Variants in KIAA0319 observed in about 807,000 individuals in gnomAD.
The protein encoded by KIAA0319 is dyslexia-associated protein KIAA0319.
A neutral mutation model predicts 108.4 loss-of-function variants in KIAA0319; 83 were observed. That is an observed-to-expected ratio of 0.77 (90% confidence interval 0.64 to 0.92). The LOEUF (loss-of-function observed/expected upper bound fraction) is 0.92, where lower values mean the gene tolerates loss of function less well. Ranked by LOEUF, KIAA0319 falls within the 40% of genes least tolerant of loss-of-function variation. The pLI, the probability that KIAA0319 is intolerant of heterozygous loss-of-function variation, is 0.00. For synonymous variants in KIAA0319, 484 were observed against 510.4 expected, an observed-to-expected ratio of 0.95 and a Z score of 0.70; for missense variants, 1,195 against 1,322.4, an observed-to-expected ratio of 0.90 and a Z score of 1.49.
At chr6:24,551,933 G>A (rs1343809713) in intron 19 of KIAA0319, among the ~76,000 whole-genome samples, 1 of 151,916 alleles carries the variant, frequency 6.6e-6, no homozygotes, top group Non-Finnish European at 1.5e-5. Flanking sequence ...AAGGTGTCAT[G>A]AACTAGCAAT....
intron 14 of KIAA0319, among the ~76,000 whole-genome samples, chr6:24,565,675 C>G (rs1023462856): frequency 6.7e-6 from 1 of 148,422 alleles, no homozygotes; most frequent in African/African-American, 2.5e-5. Flanking sequence ...ATAGCTCGAA[C>G]TCGGGCAGCG....
At chr6:24,600,660 T>C (rs1461841301) in intron 2 of KIAA0319, 25 of 1,535,542 alleles carry the variant, frequency 1.6e-5, no homozygotes, top group Non-Finnish European at 2.1e-5. Flanking sequence ...TCTTCTTAAA[T>C]GATGCTCACC....
In KIAA0319 at chr6:24,566,612, C is replaced by T. The variant is rs1763929732; in HGVS notation, c.2277G>A (p.Gln759=). 1.2e-6 allele frequency: 2 copies of T among 1,611,066 alleles called. No individual in the cohort carries two copies. Among genetic ancestry groups the T allele is most frequent in the Non-Finnish European group, 1.7e-6 (2 of 1,178,938 alleles). The part of the protein sequence containing the change: ...IVSYLWIRDG[Q]SPAAGDVIDG... The stretch of plus-strand genomic sequence containing the variant: ...CAGTACTCACTCCAGCTGCTGGACT[C>T]TGGCCATCCCGGATCCACAGATAGG... Residue 759 remains glutamine, a synonymous_variant, in exon 14 of 21, where the codon CAG becomes CAA. Coordinates refer to ENST00000378214, the MANE Select transcript of KIAA0319 (RefSeq NM_014809.4).
chr6:24,590,780 C>T (rs569785558), intron 3 of KIAA0319, among the ~76,000 whole-genome samples: 4 of 152,350 alleles, frequency 2.6e-5, no homozygotes, highest in Non-Finnish European at 4.4e-5. Context: ...CATGCTGCCT[C>T]TCCAGGCTGG....
chr6:24,600,696 C>T, intron 2 of KIAA0319: 1 of 1,524,384 alleles, frequency 6.6e-7, no homozygotes, highest in Non-Finnish European at 8.8e-7. Context: ...ATGAGTGCAT[C>T]CACCATAAGC....
intron 10 of KIAA0319, among the ~76,000 whole-genome samples, chr6:24,574,924 T>G (rs1187159765): frequency 6.6e-6 from 1 of 152,246 alleles, no homozygotes; most frequent in African/African-American, 2.4e-5. Context: ...AGAATGCTTC[T>G]GCACACAATG....
At chr6:24,640,593 A>G (rs749209255) in intron 1 of KIAA0319, among the ~76,000 whole-genome samples, 51 of 152,326 alleles carry the variant, frequency 3.3e-4, no homozygotes, top group Non-Finnish European at 6.5e-4. Context: ...GGGCATATCG[A>G]AGATATTTTT....
At position 24,632,203 on chromosome 6, in the gene KIAA0319, A is replaced by G. The variant is rs189932370; in HGVS notation, c.-106+13533T>C. ...ATAATCAGGAAATAAGTGGTTTATAATATTCATCATCGCCATTATCAAAAT... is the reference window on the plus strand; with the variant it reads ...ATAATCAGGAAATAAGTGGTTTATAGTATTCATCATCGCCATTATCAAAAT... On this transcript the variant is annotated intron_variant, in intron 1 of 20. Transcript: ENST00000378214. 4.6e-5 allele frequency among the ~76,000 whole-genome samples: 7 copies of G among 152,360 alleles called. No individual in the cohort carries two copies. The East Asian group carries it at 1.3e-3, about 29-fold the overall frequency.
rs1296282731 is a variant in KIAA0319 at position 24,569,920 on chromosome 6, G to T, written c.1974C>A (p.Tyr658Ter). 6.2e-7 allele frequency: 1 copy of T among 1,614,110 alleles called. No individual in the cohort carries two copies. The highest frequency in any genetic ancestry group is 1.1e-5 in the South Asian group (1 of 91,082). ...CAGACTACCTGACGTGCTCCCAGTG[G>T]TAGAAGACAATGCCGTGGTCATCGC... The part of the protein sequence containing the change: ...SSSDDHGIVF[Y>*]HWEHVRGPSA... The change falls in exon 12 of 21, where the codon TAC (tyrosine) becomes TAA (stop). Residue 658 changes from tyrosine to a stop codon, truncating the protein, a stop_gained. Transcript: ENST00000378214. LOFTEE classifies it high-confidence loss of function.
At position 24,619,309 on chromosome 6, in the gene KIAA0319, G is replaced by A. The variant is rs576012565; in HGVS notation, c.-105-18101C>T. Among the ~76,000 whole-genome samples, 23 of 152,342 alleles carry A rather than the reference G, an allele frequency of 1.5e-4. No homozygotes were observed. The East Asian group carries it at 4.1e-3, about 27-fold the overall frequency. ...AGCTTCGGCAATAATCCAGGTGAGA[G>A]GACGGTGTCTTGCACCAAGGTGATA... On this transcript the variant is annotated intron_variant, in intron 1 of 20. Coordinates refer to ENST00000378214, the MANE Select transcript of KIAA0319 (RefSeq NM_014809.4).
intron 2 of KIAA0319, among the ~76,000 whole-genome samples, chr6:24,597,704 C>G (rs1191627531): frequency 6.6e-6 from 1 of 151,962 alleles, no homozygotes; most frequent in East Asian, 1.9e-4. Flanking sequence ...ATACTAGTTA[C>G]TTGATGATTC....
At chr6:24,554,702 A>G in intron 18 of KIAA0319, 71 bp from the exon 19 acceptor site, 1 of 1,096,618 alleles carries the variant, frequency 9.1e-7, no homozygotes, top group Non-Finnish European at 1.4e-6. Context: ...TTGATGATTC[A>G]TAACAACTAT....
intron 1 of KIAA0319, among the ~76,000 whole-genome samples, chr6:24,606,133 C>T (rs191164141): frequency 1.1e-3 from 166 of 152,242 alleles, no homozygotes; most frequent in Middle Eastern, 6.8e-3. Context: ...GACAGGATTT[C>T]ACCATGTTGA....
chr6:24,583,966 G>C (rs1767042072), intron 4 of KIAA0319, among the ~76,000 whole-genome samples: 1 of 152,146 alleles, frequency 6.6e-6, no homozygotes, highest in Non-Finnish European at 1.5e-5. Flanking sequence ...GCAACGTATT[G>C]AGTGACAAGA....
chr6:24,557,360 G>T (rs1055525055), intron 17 of KIAA0319, among the ~76,000 whole-genome samples: 3 of 152,028 alleles, frequency 2.0e-5, no homozygotes, highest in African/African-American at 7.3e-5. Flanking sequence ...TAAATTAGCT[G>T]GGCGTGATGG....
intron 5 of KIAA0319, 27 bp from the exon 6 acceptor site, chr6:24,582,373 G>C: frequency 7.2e-7 from 1 of 1,393,250 alleles, no homozygotes; most frequent in Non-Finnish European, 1.0e-6. Flanking sequence ...AATATGAGTA[G>C]TTATAAATTC....
intron 1 of KIAA0319, among the ~76,000 whole-genome samples, chr6:24,628,608 A>G (rs1264622401): frequency 1.3e-5 from 2 of 152,128 alleles, no homozygotes; most frequent in South Asian, 2.1e-4. Context: ...ACAGCAAACT[A>G]AGCACCGGAA....
chr6:24,559,134 T>C lies in KIAA0319; in HGVS notation c.2613A>G (p.Val871=). ...SDLSTVIVFY[V]QSRPPFKVLK... ...GAACCTTGAAAGGCGGCCTGCTCTG[T>C]ACATAAAACACAATCACGGTGCTGT... Residue 871 remains valine, a synonymous_variant, in exon 17 of 21, where the codon GTA becomes GTG. Coordinates refer to ENST00000378214, the MANE Select transcript of KIAA0319 (RefSeq NM_014809.4). The C allele has an allele frequency of 6.2e-7, 1 of 1,613,280 alleles. No homozygotes were observed. The highest frequency in any genetic ancestry group is 8.5e-7 in the Non-Finnish European group (1 of 1,180,022).
intron 1 of KIAA0319, among the ~76,000 whole-genome samples, chr6:24,629,909 G>A (rs9358779): frequency 0.67 from 101,240 of 151,686 alleles, 34,203 homozygotes; most frequent in East Asian, 0.79. Flanking sequence ...TGACAAGGCC[G>A]GGCCTGGTGG....
Sources: gnomAD v4.1 joint callset for allele counts (sites outside exome capture counted in the v4.1 genomes callset) on GRCh38, gnomAD v4.1.1 for gene constraint, MANE v1.5 for transcripts, NCBI Gene and HGNC (gene_info 2026-07-23, HGNC 2026-07-21) for gene names.